CWC27: variants seen among roughly 807,000 people sequenced by gnomAD.
The protein encoded by CWC27 is CWC27 spliceosome associated cyclophilin.
Under a neutral mutation model 63.6 loss-of-function variants are expected in CWC27, and 47 were observed. That is an observed-to-expected ratio of 0.74 (90% CI 0.58 to 0.94). CWC27 has a LOEUF of 0.94. Ranked by LOEUF, CWC27 falls within the 40% of genes least tolerant of loss-of-function variation. CWC27 has a pLI of 0.00. For missense variants in CWC27, 495 were observed against 554.3 expected (o/e 0.89, Z 1.07); for synonymous variants, 175 against 179.8 (o/e 0.97, Z 0.22).
At chr5:64,893,523 A>T (rs1747292868) in intron 11 of CWC27, among the ~76,000 whole-genome samples, 1 of 152,176 alleles carries the variant, frequency 6.6e-6, no homozygotes, top group African/African-American at 2.4e-5. Context: ...TCTGCACATA[A>T]ACTCCAGGCA....
At chr5:64,907,201 A>G (rs1669635993) in intron 11 of CWC27, among the ~76,000 whole-genome samples, 1 of 152,184 alleles carries the variant, frequency 6.6e-6, no homozygotes, top group African/African-American at 2.4e-5. Flanking sequence ...CAATTCTTTG[A>G]AGAAAGTCAT....
At chr5:64,928,581 G>C (rs1194686000) in intron 11 of CWC27, among the ~76,000 whole-genome samples, 3 of 149,458 alleles carry the variant, frequency 2.0e-5, no homozygotes, top group African/African-American at 7.3e-5. Context: ...AACAAAGTGT[G>C]ACACACACAC....
At chr5:64,971,669 C>T (rs1652920046) in intron 11 of CWC27, 34 bp from the exon 12 acceptor site, 1 of 1,491,304 alleles carries the variant, frequency 6.7e-7, no homozygotes, top group African/African-American at 1.4e-5. Context: ...AGCTATTTTA[C>T]TGCTTATTCT....
At chr5:64,932,976 C>G (rs1748269677) in intron 11 of CWC27, among the ~76,000 whole-genome samples, 1 of 152,080 alleles carries the variant, frequency 6.6e-6, no homozygotes, top group South Asian at 2.1e-4. Context: ...TTAGAACTGT[C>G]TTATTGTATA....
intron 11 of CWC27, among the ~76,000 whole-genome samples, chr5:64,916,892 TAGTAG>T (rs1747899432): frequency 7.5e-5 from 11 of 146,794 alleles, no homozygotes; most frequent in African/African-American, 2.5e-4. Context: ...GTATTAGTAG[TAGTAG>T]TAGTAGTAGT....
intron 2 of CWC27, among the ~76,000 whole-genome samples, chr5:64,775,280 T>C (rs1264248719): frequency 6.6e-6 from 1 of 152,148 alleles, no homozygotes; most frequent in East Asian, 1.9e-4. Context: ...ATTTACCAAT[T>C]TCTTCCCCAG....
intron 11 of CWC27, among the ~76,000 whole-genome samples, chr5:64,965,425 G>A (rs1748995081): frequency 6.6e-6 from 1 of 152,200 alleles, no homozygotes; most frequent in Non-Finnish European, 1.5e-5. Context: ...TGACAGTTGA[G>A]TTAGCAATTG....
In CWC27 at chr5:64,951,662, C is replaced by T. The variant is rs183925992; in HGVS notation, c.1043-20041C>T. Among the ~76,000 whole-genome samples the T allele has an allele frequency of 2.7e-3, 414 of 152,044 alleles. 3 individuals carry two copies. The highest frequency in any genetic ancestry group is 6.8e-3 in the Middle Eastern group (2 of 294). ...TGTTACAGCCTCAGCCCCCACTTCC[C>T]CTGTGCAACCACTAATCTACTTTCT... is the stretch of plus-strand genomic sequence containing the variant. On this transcript the variant is annotated intron_variant, in intron 11 of 13. Coordinates refer to ENST00000381070, the MANE Select transcript of CWC27 (RefSeq NM_005869.4).
At chr5:64,892,288 T>C (rs1447599915) in intron 11 of CWC27, among the ~76,000 whole-genome samples, 1 of 152,202 alleles carries the variant, frequency 6.6e-6, no homozygotes. Flanking sequence ...ATCTGTGTCA[T>C]TCCTGACCCA....
intron 10 of CWC27, among the ~76,000 whole-genome samples, chr5:64,825,204 C>G (rs552275016): frequency 6.6e-6 from 1 of 152,070 alleles, no homozygotes; most frequent in Non-Finnish European, 1.5e-5. Flanking sequence ...AACTTGGAGA[C>G]CGTATGTTGC....
intron 10 of CWC27, among the ~76,000 whole-genome samples, chr5:64,829,977 CTTT>C (rs146220063): frequency 0.016 from 1,876 of 117,984 alleles, 26 homozygotes; most frequent in African/African-American, 0.044. Flanking sequence ...ATGAACTCAT[CTTT>C]TTTTTTTTTT....
intron 11 of CWC27, among the ~76,000 whole-genome samples, chr5:64,940,842 C>CTTTTTT (rs70983655): frequency 2.3e-4 from 15 of 64,976 alleles, no homozygotes; most frequent in South Asian, 7.2e-4. Context: ...TTCTTTCTTT[C>CTTTTTT]TTTTTTTTTT....
intron 11 of CWC27, among the ~76,000 whole-genome samples, chr5:64,900,218 C>A (rs1747468925): frequency 6.6e-6 from 1 of 152,192 alleles, no homozygotes; most frequent in Non-Finnish European, 1.5e-5. Flanking sequence ...ACTCCATATC[C>A]TTGTTAACAC....
At chr5:64,861,943 T>C (rs1201011719) in intron 10 of CWC27, among the ~76,000 whole-genome samples, 3 of 152,248 alleles carry the variant, frequency 2.0e-5, no homozygotes, top group Non-Finnish European at 4.4e-5. Flanking sequence ...TAATGTTACA[T>C]AGATACATGT....
intron 10 of CWC27, among the ~76,000 whole-genome samples, chr5:64,841,350 A>G (rs1745830124): frequency 6.6e-6 from 1 of 152,208 alleles, no homozygotes; most frequent in African/African-American, 2.4e-5. Flanking sequence ...TCATGAGGGC[A>G]GATTGCTCAT....
intron 11 of CWC27, among the ~76,000 whole-genome samples, chr5:64,905,787 T>C (rs1385675590): frequency 2.0e-5 from 3 of 151,674 alleles, no homozygotes; most frequent in African/African-American, 7.3e-5. Context: ...CATTAACTTG[T>C]CATTTATGTT....
intron 2 of CWC27, among the ~76,000 whole-genome samples, chr5:64,780,258 T>C (rs1743619640): frequency 6.6e-6 from 1 of 152,140 alleles, no homozygotes; most frequent in Non-Finnish European, 1.5e-5. Context: ...GTGACAGTCA[T>C]ATTCCATCAT....
intron 13 of CWC27, among the ~76,000 whole-genome samples, chr5:64,982,002 C>T (rs2910770): frequency 0.59 from 89,570 of 152,008 alleles, 26,793 homozygotes; most frequent in Admixed American, 0.72. Context: ...AGACAGTTTG[C>T]ATCTGCTAGA....
intron 10 of CWC27, among the ~76,000 whole-genome samples, chr5:64,873,690 C>A (rs1267987707): frequency 6.6e-6 from 1 of 152,002 alleles, no homozygotes; most frequent in Non-Finnish European, 1.5e-5. Context: ...AATATAGTCC[C>A]ATTTGTCTAT....
Sources: allele counts gnomAD v4.1 joint callset (sites outside exome capture counted in the v4.1 genomes callset), GRCh38; gene constraint gnomAD v4.1.1; transcripts MANE v1.5; gene names NCBI Gene and HGNC (gene_info 2026-07-23, HGNC 2026-07-21).